The following ARID5B variants were observed in gnomAD, a reference collection of about 807,000 sequenced individuals.
ARID5B encodes AT-rich interactive domain-containing protein 5B.
Under a neutral mutation model 97.2 loss-of-function variants are expected in ARID5B, and 13 were observed. The ratio of observed to expected loss-of-function variants is 0.13; its 90% CI spans 0.09 to 0.21. The LOEUF is 0.21. Ranked by LOEUF, ARID5B falls within the 10% of genes least tolerant of loss-of-function variation. The probability of loss-of-function intolerance (pLI) is 1.00; values close to 1 mark genes in which losing one functional copy is unlikely to be tolerated. For missense variants in ARID5B, 1,210 were observed against 1,465.3 expected, an observed-to-expected ratio of 0.83 and a Z score of 2.84; for synonymous variants, 556 against 570.3, an observed-to-expected ratio of 0.97 and a Z score of 0.36.
At chr10:61,907,064 G>A (rs956394005) in intron 2 of ARID5B, among the ~76,000 whole-genome samples, 1 of 152,230 alleles carries the variant, frequency 6.6e-6, no homozygotes, top group African/African-American at 2.4e-5. Context: ...GTTTTTCCGT[G>A]TGAGGGAATG....
rs555032422 is a variant in ARID5B, at chr10:62,087,545, A to C, written c.1398+1645A>C. Among the ~76,000 whole-genome samples the C allele has an allele frequency of 4.1e-3, 628 of 151,766 alleles. 4 individuals carry two copies. Among genetic ancestry groups the C allele is most frequent in the African/African-American group, 0.014 (598 of 41,408 alleles). On this transcript the variant is annotated intron_variant, in intron 9 of 9. Coordinates refer to ENST00000279873, the MANE Select transcript of ARID5B (RefSeq NM_032199.3). Reference sequence around the variant, plus strand: ...GCTGCTGCCCATTAAAAAAAAAAAAAAACTGAGCAGCCACATTTGGAGACA... The same window carrying C: ...GCTGCTGCCCATTAAAAAAAAAAAACAACTGAGCAGCCACATTTGGAGACA...
In ARID5B at chr10:62,092,300, A is replaced by C; in HGVS notation, c.2837A>C (p.Gln946Pro). The change falls in exon 10 of 10, where the codon CAG (glutamine) becomes CCG (proline). Residue 946 changes from glutamine to proline, a missense_variant. Gln to Pro is a moderately conservative substitution (Grantham distance 76). This residue lies in a region of ARID5B where 800 missense variants were observed against 839.1 expected (regional missense o/e 0.95). Coordinates refer to ENST00000279873, the MANE Select transcript of ARID5B (RefSeq NM_032199.3). ...TCCCAGTTCCAGGTCTTAGGCAGCCAGAGTCGAGACTGTCACCCCAAAGCC... is the reference window on the plus strand; with the variant it reads ...TCCCAGTTCCAGGTCTTAGGCAGCCCGAGTCGAGACTGTCACCCCAAAGCC... ...GISQFQVLGS[Q>P]SRDCHPKACR... The C allele has an allele frequency of 6.2e-7, 1 of 1,609,130 alleles. No homozygotes were observed. The highest frequency in any genetic ancestry group is 8.5e-7 in the Non-Finnish European group (1 of 1,177,634).
At chr10:62,004,158 G>T (rs1423897684) in intron 4 of ARID5B, among the ~76,000 whole-genome samples, 1 of 152,136 alleles carries the variant, frequency 6.6e-6, no homozygotes, top group Non-Finnish European at 1.5e-5. Flanking sequence ...GGCTTGAAGG[G>T]TTTTGATAGC....
intron 2 of ARID5B, among the ~76,000 whole-genome samples, chr10:61,927,863 C>T (rs879355695): frequency 5.3e-5 from 8 of 152,166 alleles, no homozygotes; most frequent in Admixed American, 6.5e-5. Context: ...AAGTCTCCAG[C>T]GGAGAGTGTG....
chr10:61,957,862 A>T lies in ARID5B; in HGVS notation c.502+17454A>T, dbSNP rs549792800. Among the ~76,000 whole-genome samples the T allele has an allele frequency of 2.3e-3, 355 of 152,360 alleles. 2 individuals are homozygous for T. Among genetic ancestry groups the T allele is most frequent in the Non-Finnish European group, 4.0e-3 (274 of 68,028 alleles). On this transcript the variant is annotated intron_variant, in intron 3 of 9. Transcript: ENST00000279873. The stretch of plus-strand genomic sequence containing the variant: ...AGAGATTTGGACAAATGCAGTGTTT[A>T]GCCCAATCTGTTATTTTGAAGTAGA...
chr10:61,935,336 A>G (rs1844281134), intron 2 of ARID5B, among the ~76,000 whole-genome samples: 1 of 152,194 alleles, frequency 6.6e-6, no homozygotes. Context: ...GTGGATAAAC[A>G]AACTTTGGGA....
At chr10:61,984,969 G>A (rs1407339443) in intron 3 of ARID5B, among the ~76,000 whole-genome samples, 1 of 152,048 alleles carries the variant, frequency 6.6e-6, no homozygotes, top group Non-Finnish European at 1.5e-5. Context: ...GCATCAGTTT[G>A]CCCATCTGAA....
chr10:61,999,183 C>T (rs1363453787), intron 3 of ARID5B, among the ~76,000 whole-genome samples: 1 of 152,194 alleles, frequency 6.6e-6, no homozygotes, highest in Admixed American at 6.5e-5. Context: ...TGCTGAACAG[C>T]ACTCATGACC....
intron 7 of ARID5B, among the ~76,000 whole-genome samples, chr10:62,065,338 A>G (rs1307191027): frequency 6.6e-6 from 1 of 152,212 alleles, no homozygotes; most frequent in Admixed American, 6.5e-5. Flanking sequence ...CCTTGAAAGC[A>G]GTAACATCTC....
At chr10:61,923,191 A>G (rs916110248) in intron 2 of ARID5B, among the ~76,000 whole-genome samples, 2 of 152,160 alleles carry the variant, frequency 1.3e-5, no homozygotes, top group Non-Finnish European at 2.9e-5. Context: ...CGTTTCTCCC[A>G]GTGGCTTCAC....
At chr10:61,927,468 A>G (rs1844127737) in intron 2 of ARID5B, among the ~76,000 whole-genome samples, 1 of 152,212 alleles carries the variant, frequency 6.6e-6, no homozygotes, top group Admixed American at 6.5e-5. Context: ...TTCTTCCAAC[A>G]TGGTACATTC....
chr10:61,940,813 A>T (rs1438137511), intron 3 of ARID5B, among the ~76,000 whole-genome samples: 1 of 149,882 alleles, frequency 6.7e-6, no homozygotes, highest in Non-Finnish European at 1.5e-5. Flanking sequence ...AGGAAAAGGG[A>T]TGAGTTCCTC....
At chr10:62,039,302 G>A (rs1162170226) in intron 4 of ARID5B, among the ~76,000 whole-genome samples, 1 of 152,218 alleles carries the variant, frequency 6.6e-6, no homozygotes, top group Non-Finnish European at 1.5e-5. Context: ...ACAGTAGAAT[G>A]TATGATATTG....
chr10:62,011,701 A>G (rs1564627157), intron 4 of ARID5B, among the ~76,000 whole-genome samples: 1 of 152,204 alleles, frequency 6.6e-6, no homozygotes, highest in Non-Finnish European at 1.5e-5. Flanking sequence ...GCCTCTGCAC[A>G]ACTCTGTAGA....
At chr10:61,982,164 C>A (rs896071198) in intron 3 of ARID5B, among the ~76,000 whole-genome samples, 7 of 152,134 alleles carry the variant, frequency 4.6e-5, no homozygotes, top group Non-Finnish European at 1.0e-4. Flanking sequence ...GCATCCTTGC[C>A]GTGTGCTCTG....
chr10:62,029,516 A>C (rs1839467153), intron 4 of ARID5B, among the ~76,000 whole-genome samples: 2 of 152,216 alleles, frequency 1.3e-5, no homozygotes, highest in Admixed American at 6.5e-5. Context: ...AAGAATTAAT[A>C]ATTGTAGTAG....
chr10:62,071,627 T>C (rs986950100), intron 8 of ARID5B, among the ~76,000 whole-genome samples: 77 of 149,498 alleles, frequency 5.2e-4, no homozygotes, highest in Non-Finnish European at 9.9e-4. Context: ...GTGTGTGTGA[T>C]TGAGCAGGTC....
rs7085514 is a variant in ARID5B, at chr10:61,995,336, A to T, written c.503-4755A>T. On this transcript the variant is annotated intron_variant, in intron 3 of 9. Transcript: ENST00000279873. ...TGTTTCATGGGTAACTTTGCACAGGAGTGTTTACTTATGTGTATATGAAAT... is the reference window on the plus strand; with the variant it reads ...TGTTTCATGGGTAACTTTGCACAGGTGTGTTTACTTATGTGTATATGAAAT... Among the ~76,000 whole-genome samples, 1,356 of 152,300 alleles carry T rather than the reference A, an allele frequency of 8.9e-3. 24 individuals are homozygous for T. The highest frequency in any genetic ancestry group is 0.031 in the African/African-American group (1,293 of 41,550).
At chr10:61,934,165 C>A (rs942680052) in intron 2 of ARID5B, among the ~76,000 whole-genome samples, 1 of 152,212 alleles carries the variant, frequency 6.6e-6, no homozygotes, top group Non-Finnish European at 1.5e-5. Flanking sequence ...TATTTTGCAG[C>A]TTCCTCACCA....
Sources: gnomAD v4.1 joint callset for allele counts (sites outside exome capture counted in the v4.1 genomes callset) on GRCh38, gnomAD v4.1.1 for gene constraint, gnomAD v4.1.1 regional missense constraint, MANE v1.5 for transcripts, NCBI Gene and HGNC (gene_info 2026-07-23, HGNC 2026-07-21) for gene names.